EPHB2: variants seen among roughly 807,000 people sequenced by gnomAD.
EPHB2 encodes ephrin type-B receptor 2.
In EPHB2, 18 loss-of-function variants were observed where a neutral mutation model predicts 96.4. The observed-to-expected ratio is 0.19, with a 90% CI of 0.13 to 0.28. EPHB2 has a LOEUF of 0.28. Among genes scored for constraint, EPHB2 ranks in the 10% least tolerant of loss-of-function variants. The pLI is 1.00. For missense variants in EPHB2, 989 were observed against 1,355.4 expected (o/e 0.73, Z 4.25); for synonymous variants, 506 against 534.1 (o/e 0.95, Z 0.72).
chr1:22,738,515 A>G (rs1041049515), intron 1 of EPHB2, among the ~76,000 whole-genome samples: 2 of 152,196 alleles, frequency 1.3e-5, no homozygotes, highest in Non-Finnish European at 2.9e-5. Context: ...CAAGGTTCAC[A>G]GAAGCAAAGT....
rs1000601510 is a variant in EPHB2, at chr1:22,721,388, G to A, written c.61+10345G>A. On this transcript the variant is annotated intron_variant, in intron 1 of 15. Transcript: ENST00000374630. ...GGCAGACCAGGAAATCTGGCCTAAC[G>A]TAATACCGGGAATAAATCACAAGAG... Among the ~76,000 whole-genome samples the A allele has an allele frequency of 2.0e-5, 3 of 152,130 alleles. 1 individual carries two copies. Among genetic ancestry groups the A allele is most frequent in the South Asian group, 4.2e-4 (2 of 4,814 alleles).
chr1:22,747,010 G>A (rs1280305819), intron 1 of EPHB2, among the ~76,000 whole-genome samples: 2 of 152,212 alleles, frequency 1.3e-5, no homozygotes, highest in Admixed American at 1.3e-4. Context: ...GTGAGAGCAG[G>A]AGAGTCCCTC....
Position 22,907,037 on chromosome 1 carries a change from C to G in EPHB2, c.2136+80C>G, listed in dbSNP as rs1639940187. The G allele has an allele frequency of 4.0e-6, 6 of 1,493,394 alleles. No homozygotes were observed. The South Asian group carries it at 7.0e-5, about 17-fold the overall frequency. The allele number at this position is 1,493,394 out of a possible 1,614,324, so 92.5% of individuals were successfully genotyped here. On this transcript the variant is annotated intron_variant, in intron 11 of 15. Transcript: ENST00000374630. ...TGGACATAGCTTCATACTGTCAGAGCCTGAAGGGGTCTTGGAAAAGCTCTA... is the reference window on the plus strand; with the variant it reads ...TGGACATAGCTTCATACTGTCAGAGGCTGAAGGGGTCTTGGAAAAGCTCTA...
chr1:22,810,128 G>A (rs1218652145), intron 3 of EPHB2, among the ~76,000 whole-genome samples: 3 of 152,146 alleles, frequency 2.0e-5, no homozygotes, highest in Admixed American at 6.5e-5. Context: ...TGGTAAGATC[G>A]GTGGGGTTGG....
intron 3 of EPHB2, among the ~76,000 whole-genome samples, chr1:22,837,160 C>T (rs946381373): frequency 1.1e-4 from 17 of 152,178 alleles, no homozygotes; most frequent in African/African-American, 4.8e-5. Context: ...ATTCAAAAGA[C>T]GTCCCAACCA....
At chr1:22,898,887 G>A (rs1364326990) in intron 9 of EPHB2, among the ~76,000 whole-genome samples, 1 of 152,188 alleles carries the variant, frequency 6.6e-6, no homozygotes, top group African/African-American at 2.4e-5. Context: ...GGTAAGACAT[G>A]GTTTGAAGTA....
chr1:22,808,878 C>A (rs1644965793), intron 3 of EPHB2, among the ~76,000 whole-genome samples: 1 of 152,220 alleles, frequency 6.6e-6, no homozygotes, highest in East Asian at 1.9e-4. Flanking sequence ...TGCTCTCAAC[C>A]ACTATGCCAT....
intron 1 of EPHB2, among the ~76,000 whole-genome samples, chr1:22,725,158 G>A (rs1486470098): frequency 6.6e-6 from 1 of 152,268 alleles, no homozygotes; most frequent in East Asian, 1.9e-4. Context: ...ATCCATGCTG[G>A]TTGGGTAGTG....
intron 3 of EPHB2, among the ~76,000 whole-genome samples, chr1:22,854,161 C>T (rs1035616777): frequency 5.3e-5 from 8 of 152,122 alleles, no homozygotes; most frequent in Admixed American, 2.0e-4. Flanking sequence ...AGAAGGGAAA[C>T]CCTTCATCAA....
intron 3 of EPHB2, among the ~76,000 whole-genome samples, chr1:22,803,918 G>GA (rs10711518): frequency 6.0e-5 from 9 of 148,876 alleles, no homozygotes; most frequent in African/African-American, 2.2e-4. Context: ...TGTCTCAAGA[G>GA]AAAAAAAAAA....
intron 1 of EPHB2, among the ~76,000 whole-genome samples, chr1:22,711,849 C>T (rs1405904302): frequency 6.6e-6 from 1 of 152,210 alleles, no homozygotes; most frequent in East Asian, 1.9e-4. Context: ...TCCCCGTGGC[C>T]TCGTGTATTG....
Position 22,858,334 on chromosome 1 carries a change from C to T in EPHB2, c.812-4703C>T, listed in dbSNP as rs949008415. On this transcript the variant is annotated intron_variant, in intron 3 of 15. Transcript: ENST00000374630. This position sits in a 1 kb window ranked among gnomAD's most constrained non-coding sequence, Gnocchi z 7.7. ...AAGTGCAGTGGGGATAAATGGTGCA[C>T]GAGGGAGTTTAGACAAGATGCCGCA... Among the ~76,000 whole-genome samples the T allele has an allele frequency of 8.6e-5, 13 of 152,032 alleles. No individual in the cohort carries two copies. The highest frequency in any genetic ancestry group is 1.9e-4 in the African/African-American group (8 of 41,384).
In EPHB2 at chr1:22,860,391, C is replaced by T. The variant is rs1051218800; in HGVS notation, c.812-2646C>T. On this transcript the variant is annotated intron_variant, in intron 3 of 15. Coordinates refer to ENST00000374630, the MANE Select transcript of EPHB2 (RefSeq NM_017449.5). The surrounding 1 kb of genome is among the most constrained non-coding windows in gnomAD (Gnocchi z 4.6). ...TCCCAGGGCAGAGAAGAGTGAGTTT[C>T]ATGAAGCAGTGCCATAGATACAGAA... Among the ~76,000 whole-genome samples the T allele has an allele frequency of 6.6e-6, 1 of 152,092 alleles. No individual in the cohort carries two copies. The highest frequency in any genetic ancestry group is 1.5e-5 in the Non-Finnish European group (1 of 68,016).
intron 6 of EPHB2, among the ~76,000 whole-genome samples, chr1:22,890,406 C>G (rs566460563): frequency 2.0e-5 from 3 of 152,224 alleles, no homozygotes; most frequent in Non-Finnish European, 2.9e-5. Flanking sequence ...CCCTGCCTCC[C>G]CCTGTTATGG....
At chr1:22,739,216 G>GTTTTT (rs1327114130) in intron 1 of EPHB2, among the ~76,000 whole-genome samples, 2 of 151,002 alleles carry the variant, frequency 1.3e-5, no homozygotes, top group African/African-American at 4.9e-5. Flanking sequence ...AATTCTTTTT[G>GTTTTT]TTTTTTTTCT....
intron 1 of EPHB2, among the ~76,000 whole-genome samples, chr1:22,762,788 TG>T (rs1477441254): frequency 6.6e-6 from 1 of 152,184 alleles, no homozygotes; most frequent in Non-Finnish European, 1.5e-5. Context: ...CATGATTTTC[TG>T]TGAAATGGGA....
In EPHB2 at chr1:22,739,944, G is replaced by A. The variant is rs538056960; in HGVS notation, c.61+28901G>A. Among the ~76,000 whole-genome samples the A allele has an allele frequency of 9.8e-5, 15 of 152,328 alleles. No homozygotes were observed. The South Asian group carries it at 1.9e-3, about 19-fold the overall frequency. On this transcript the variant is annotated intron_variant, in intron 1 of 15. Coordinates refer to ENST00000374630, the MANE Select transcript of EPHB2 (RefSeq NM_017449.5). ...TTTGAACACAGAGAAGAATTCCCTC[G>A]TCGGCTCAGACTAGGATAACTTACT...
intron 3 of EPHB2, among the ~76,000 whole-genome samples, chr1:22,803,755 A>G (rs1557683902): frequency 1.3e-5 from 2 of 150,310 alleles, no homozygotes; most frequent in Non-Finnish European, 3.0e-5. Flanking sequence ...ATATATATAT[A>G]TATATAAATT....
chr1:22,859,226 G>A (rs1315781287), intron 3 of EPHB2, among the ~76,000 whole-genome samples: 1 of 148,078 alleles, frequency 6.8e-6, no homozygotes, highest in Non-Finnish European at 1.5e-5. Flanking sequence ...GAGTTTGCCT[G>A]ATGGTGAAGG....
Sources: allele counts gnomAD v4.1 joint callset (sites outside exome capture counted in the v4.1 genomes callset), GRCh38; gene constraint gnomAD v4.1.1; non-coding constraint Gnocchi (gnomAD v3.1); transcripts MANE v1.5; gene names NCBI Gene and HGNC (gene_info 2026-07-23, HGNC 2026-07-21).